The following ATG7 variants were observed in gnomAD, a reference collection of about 807,000 sequenced individuals.
ATG7 encodes the protein autophagy related 7, also known as ubiquitin-like modifier-activating enzyme ATG7.
A neutral mutation model predicts 82.4 loss-of-function variants in ATG7; 70 were observed. The ratio of observed to expected loss-of-function variants is 0.85; its 90% CI spans 0.70 to 1.04. The LOEUF (loss-of-function observed/expected upper bound fraction) is 1.04. ATG7 is among the 50% of genes least tolerant of loss of function. The pLI is 0.00. For synonymous variants in ATG7, 287 were observed against 313.0 expected, an observed-to-expected ratio of 0.92 and a Z score of 0.88; for missense variants, 792 against 864.3, an observed-to-expected ratio of 0.92 and a Z score of 1.05.
At chr3:11,406,146 C>T (rs1003987925) in intron 19 of ATG7, among the ~76,000 whole-genome samples, 31 of 152,036 alleles carry the variant, frequency 2.0e-4, no homozygotes, top group Admixed American at 5.9e-4. Flanking sequence ...CACATCCCCA[C>T]GCCTGGCTAA....
At chr3:11,456,675 C>A (rs956945119) in intron 20 of ATG7, among the ~76,000 whole-genome samples, 3 of 152,182 alleles carry the variant, frequency 2.0e-5, no homozygotes, top group Non-Finnish European at 4.4e-5. Flanking sequence ...CTACTCCCCC[C>A]ACTACCGACC....
intron 19 of ATG7, among the ~76,000 whole-genome samples, chr3:11,414,708 A>C (rs1009071391): frequency 6.6e-6 from 1 of 152,090 alleles, no homozygotes; most frequent in East Asian, 1.9e-4. Flanking sequence ...GATTTTGTGG[A>C]TGTTCTTTAT....
chr3:11,443,636 C>T (rs561550274), intron 20 of ATG7, among the ~76,000 whole-genome samples: 1 of 152,296 alleles, frequency 6.6e-6, no homozygotes, highest in South Asian at 2.1e-4. Context: ...ATCCACCTGC[C>T]TCAGCCTCCC....
chr3:11,401,418 C>T (rs892592926), intron 19 of ATG7, among the ~76,000 whole-genome samples: 2 of 152,050 alleles, frequency 1.3e-5, no homozygotes, highest in African/African-American at 4.8e-5. Flanking sequence ...AAAAGATGAC[C>T]GAGAATAGAA....
chr3:11,363,265 G>A (rs916092617), intron 17 of ATG7, among the ~76,000 whole-genome samples: 7 of 150,532 alleles, frequency 4.7e-5, no homozygotes, highest in African/African-American at 1.2e-4. Context: ...TTAACGAGAC[G>A]GAATTTCGCT....
At chr3:11,417,800 ATTTTATTTTATTTTATTTT>A (rs2081503873) in intron 19 of ATG7, among the ~76,000 whole-genome samples, 2 of 109,364 alleles carry the variant, frequency 1.8e-5, no homozygotes, top group Non-Finnish European at 3.8e-5. Flanking sequence ...TATTATTATT[ATTTTATTTTATTTTATTTT>A]TTTTTTTTTT....
chr3:11,483,615 C>T (rs982644011), intron 20 of ATG7, among the ~76,000 whole-genome samples: 1 of 152,168 alleles, frequency 6.6e-6, no homozygotes, highest in Non-Finnish European at 1.5e-5. Context: ...ATTTTGGCTT[C>T]TTCTGCCATA....
intron 20 of ATG7, 120 bp from the exon 21 acceptor site, chr3:11,554,689 CAG>C: frequency 8.2e-7 from 1 of 1,221,852 alleles, no homozygotes; most frequent in Non-Finnish European, 1.2e-6. Context: ...GACAGTCCCT[CAG>C]AAACAAGGGA....
chr3:11,346,302 A>T (rs1470407948), intron 13 of ATG7, among the ~76,000 whole-genome samples: 1 of 152,236 alleles, frequency 6.6e-6, no homozygotes, highest in Admixed American at 6.5e-5. Flanking sequence ...GCTGCAAAGA[A>T]CATCTTTGTG....
At chr3:11,309,155 C>G in intron 7 of ATG7, 94 bp downstream of exon 7, 1 of 1,175,690 alleles carries the variant, frequency 8.5e-7, no homozygotes. Flanking sequence ...CTCTCCGAAG[C>G]TACTACCTTC....
chr3:11,431,038 C>T (rs1243838298), intron 20 of ATG7, among the ~76,000 whole-genome samples: 3 of 152,340 alleles, frequency 2.0e-5, no homozygotes, highest in East Asian at 1.9e-4. Flanking sequence ...CTTGGAGCCA[C>T]AGTTACCTGA....
rs2091603443 is a variant in ATG7, at chr3:11,504,923, A to G, written c.2080-49888A>G. Among the ~76,000 whole-genome samples the G allele has an allele frequency of 2.0e-5, 3 of 152,188 alleles. No homozygotes were observed. The South Asian group carries it at 6.2e-4, about 31-fold the overall frequency. On this transcript the variant is annotated intron_variant, in intron 20 of 20. Coordinates refer to ENST00000693202, the MANE Select transcript of ATG7 (RefSeq NM_001349232.2). ...GGCAAGAGTTTGCCATGACAGGGGT[A>G]AGGGGGCTCACAGCAGTGAAAGAGC...
chr3:11,472,265 G>A (rs927119568), intron 20 of ATG7, among the ~76,000 whole-genome samples: 11 of 152,114 alleles, frequency 7.2e-5, no homozygotes, highest in East Asian at 1.9e-4. Context: ...TCCCTGTATC[G>A]CTTCATTTTT....
At chr3:11,492,358 C>G (rs929116347) in intron 20 of ATG7, among the ~76,000 whole-genome samples, 1 of 152,334 alleles carries the variant, frequency 6.6e-6, no homozygotes, top group African/African-American at 2.4e-5. Flanking sequence ...CCTGCGCCCA[C>G]TGTCTGGCAC....
chr3:11,449,825 A>G (rs2152983090), intron 20 of ATG7, among the ~76,000 whole-genome samples: 2 of 152,330 alleles, frequency 1.3e-5, no homozygotes, highest in East Asian at 3.9e-4. Context: ...TGATAGGACA[A>G]AAAAGCGGTT....
At chr3:11,572,477 A>G in the ATG7 span, among the ~76,000 whole-genome samples, 1 of 152,186 alleles carries the variant, frequency 6.6e-6, no homozygotes, top group Non-Finnish European at 1.5e-5. Context: ...TCTGGCCATG[A>G]TGAAAGCAGC....
At chr3:11,281,251 C>G (rs1942980692) in intron 2 of ATG7, 149 bp downstream of exon 2, 1 of 152,234 alleles carries the variant, frequency 6.6e-6, no homozygotes, top group South Asian at 2.1e-4. Flanking sequence ...TCATAGGTAT[C>G]ATGGGTGCAT....
chr3:11,532,979 A>T (rs1470688190), intron 20 of ATG7, among the ~76,000 whole-genome samples: 1 of 152,198 alleles, frequency 6.6e-6, no homozygotes, highest in Non-Finnish European at 1.5e-5. Flanking sequence ...GTGCCCCAGG[A>T]TGCTAGCTAG....
intron 18 of ATG7, among the ~76,000 whole-genome samples, chr3:11,367,944 C>T (rs1033504316): frequency 4.0e-5 from 6 of 151,620 alleles, no homozygotes; most frequent in Non-Finnish European, 8.8e-5. Flanking sequence ...GATCACAAAA[C>T]GAACAGTCTT....
Sources: allele counts gnomAD v4.1 joint callset (sites outside exome capture counted in the v4.1 genomes callset), GRCh38; gene constraint gnomAD v4.1.1; transcripts MANE v1.5; gene names NCBI Gene and HGNC (gene_info 2026-07-23, HGNC 2026-07-21).